Variants in FRMD4A observed in about 807,000 individuals in gnomAD.
FRMD4A encodes FERM domain-containing protein 4A.
FRMD4A carries 29 observed loss-of-function variants against 129.1 expected under a neutral mutation model. The observed-to-expected ratio is 0.22, with a 90% confidence interval of 0.17 to 0.31. The LOEUF is 0.31. Among genes scored for constraint, FRMD4A ranks in the 10% least tolerant of loss-of-function variants. The pLI, the probability that FRMD4A is intolerant of heterozygous loss-of-function variation, is 1.00. For missense variants in FRMD4A, 1,272 were observed against 1,375.8 expected (o/e 0.92, Z 1.19); for synonymous variants, 634 against 571.6 (o/e 1.11, Z -1.56).
intron 15 of FRMD4A, among the ~76,000 whole-genome samples, chr10:13,678,685 G>T (rs73590422): frequency 6.6e-6 from 1 of 152,146 alleles, no homozygotes; most frequent in African/African-American, 2.4e-5. Flanking sequence ...ATGAAGTATC[G>T]GTCAAAGAGC....
At chr10:14,229,458 A>G (rs1470160941) in intron 2 of FRMD4A, among the ~76,000 whole-genome samples, 1 of 152,190 alleles carries the variant, frequency 6.6e-6, no homozygotes, top group Non-Finnish European at 1.5e-5. Flanking sequence ...AGAGAAACTT[A>G]TGTACTCTTA....
chr10:13,674,449 C>T (rs2083794094), intron 16 of FRMD4A, among the ~76,000 whole-genome samples: 1 of 152,226 alleles, frequency 6.6e-6, no homozygotes, highest in Non-Finnish European at 1.5e-5. Context: ...CCAACTTTAA[C>T]TGGTCATCAC....
At chr10:13,980,428 G>A (rs186013345) in intron 2 of FRMD4A, among the ~76,000 whole-genome samples, 64 of 152,242 alleles carry the variant, frequency 4.2e-4, no homozygotes, top group Non-Finnish European at 8.4e-4. Context: ...ATAAATGGTC[G>A]GTTAAAATTA....
intron 12 of FRMD4A, chr10:13,712,089 T>A (rs992847619): frequency 2.6e-5 from 4 of 152,290 alleles, no homozygotes; most frequent in African/African-American, 9.6e-5. Context: ...CGGTAAATGA[T>A]AACAAGTATT....
intron 2 of FRMD4A, among the ~76,000 whole-genome samples, chr10:13,969,174 T>G (rs1171198348): frequency 6.6e-6 from 1 of 152,220 alleles, no homozygotes; most frequent in Non-Finnish European, 1.5e-5. Context: ...AACCAGTCCT[T>G]GTTCACTGAG....
At chr10:13,974,160 G>T (rs767517590) in intron 2 of FRMD4A, among the ~76,000 whole-genome samples, 75 of 152,016 alleles carry the variant, frequency 4.9e-4, no homozygotes, top group Admixed American at 7.2e-4. Context: ...ATTCTACGAC[G>T]AAGTAAAGTG....
intron 2 of FRMD4A, among the ~76,000 whole-genome samples, chr10:14,053,416 A>G (rs1834358130): frequency 6.6e-6 from 1 of 152,178 alleles, no homozygotes; most frequent in Non-Finnish European, 1.5e-5. Context: ...CCTGAAAACC[A>G]TGTTAATCTT....
At chr10:13,714,048 A>T (rs1344971208) in intron 12 of FRMD4A, among the ~76,000 whole-genome samples, 1 of 18,052 alleles carries the variant, frequency 5.5e-5, no homozygotes, top group Non-Finnish European at 1.3e-4. Context: ...ATATATATAT[A>T]TATATATATA....
chr10:13,993,859 A>T (rs1346389355), intron 2 of FRMD4A, among the ~76,000 whole-genome samples: 5 of 151,550 alleles, frequency 3.3e-5, no homozygotes, highest in Non-Finnish European at 5.9e-5. Context: ...TTTTAAAAAA[A>T]TATATATTCT....
chr10:13,901,165 C>A (rs913005740), intron 2 of FRMD4A, among the ~76,000 whole-genome samples: 3 of 152,220 alleles, frequency 2.0e-5, no homozygotes, highest in Non-Finnish European at 2.9e-5. Context: ...GTGCTCTCAA[C>A]CCTAAGGTGT....
intron 2 of FRMD4A, among the ~76,000 whole-genome samples, chr10:13,960,016 C>A (rs1161189358): frequency 1.3e-5 from 2 of 152,256 alleles, no homozygotes; most frequent in East Asian, 3.9e-4. Context: ...ATAAACAAAG[C>A]CTCATGGTGT....
intron 3 of FRMD4A, among the ~76,000 whole-genome samples, chr10:13,815,989 C>G (rs2093535922): frequency 6.6e-6 from 1 of 152,166 alleles, no homozygotes; most frequent in South Asian, 2.1e-4. Context: ...TTCTTGGTGA[C>G]TCATAAACTG....
chr10:14,318,326 C>CA (rs1491578591), intron 2 of FRMD4A, among the ~76,000 whole-genome samples: 1 of 18,630 alleles, frequency 5.4e-5, no homozygotes, highest in Non-Finnish European at 1.3e-4. Flanking sequence ...TATCCCCCCC[C>CA]ACCTTTTTTT....
At chr10:14,019,095 C>A (rs190322063) in intron 2 of FRMD4A, among the ~76,000 whole-genome samples, 49 of 152,154 alleles carry the variant, frequency 3.2e-4, no homozygotes, top group Non-Finnish European at 5.9e-4. Flanking sequence ...AGGAGAGGTA[C>A]CAAGGGAGTT....
At chr10:14,280,918 C>T (rs1845495550) in intron 2 of FRMD4A, among the ~76,000 whole-genome samples, 1 of 150,954 alleles carries the variant, frequency 6.6e-6, no homozygotes, top group South Asian at 2.1e-4. Context: ...TAAAATAGGG[C>T]CTTTAAAAGA....
intron 2 of FRMD4A, among the ~76,000 whole-genome samples, chr10:14,029,136 C>G (rs142241540): frequency 6.6e-6 from 1 of 152,190 alleles, no homozygotes; most frequent in East Asian, 1.9e-4. Flanking sequence ...AATTCAGAAC[C>G]GTTAAATTTC....
chr10:13,954,676 T>C (rs2095397531), intron 2 of FRMD4A, among the ~76,000 whole-genome samples: 1 of 152,178 alleles, frequency 6.6e-6, no homozygotes, highest in Admixed American at 6.5e-5. Context: ...CATCCATGCA[T>C]GGCAGCAGTG....
intron 2 of FRMD4A, among the ~76,000 whole-genome samples, chr10:14,169,989 C>T (rs1206352509): frequency 3.3e-5 from 5 of 152,106 alleles, no homozygotes; most frequent in Admixed American, 6.6e-5. Context: ...CATGTACAAG[C>T]AAGGTGGAAC....
rs760562696 is a variant in FRMD4A at position 13,645,189 on chromosome 10, A to G, written c.*1849T>C. 6.6e-6 allele frequency: 1 copy of G among 152,138 alleles called. No individual in the cohort carries two copies. 9.4% of individuals were successfully genotyped at this position (152,138 alleles called of 1,614,324 possible). A position where few individuals can be genotyped will look rare whatever the true frequency, so the allele number is the denominator to read the frequency against. ...TTACCCTTCTGGTCTGGTAGAGCCT[A>G]TGGTTATTCTTGGATTCCACATACA... On this transcript the variant is annotated 3_prime_UTR_variant, in exon 25 of 25. Transcript: ENST00000357447.
Sources: allele counts gnomAD v4.1 joint callset (sites outside exome capture counted in the v4.1 genomes callset), GRCh38; gene constraint gnomAD v4.1.1; transcripts MANE v1.5; gene names NCBI Gene and HGNC (gene_info 2026-07-23, HGNC 2026-07-21).